The following KATNAL1 variants were observed in gnomAD, a reference collection of about 807,000 sequenced individuals.
The protein encoded by KATNAL1 is katanin p60 ATPase-containing subunit A-like 1.
Under a neutral mutation model 55.2 loss-of-function variants are expected in KATNAL1, and 32 were observed. The ratio of observed to expected loss-of-function variants is 0.58; its 90% CI spans 0.44 to 0.78. The LOEUF (loss-of-function observed/expected upper bound fraction) is 0.78, where lower values mean the gene tolerates loss of function less well. Among genes scored for constraint, KATNAL1 ranks in the 30% least tolerant of loss-of-function variants. The pLI, the probability that KATNAL1 is intolerant of heterozygous loss-of-function variation, is 0.00. For synonymous variants in KATNAL1, 193 were observed against 193.6 expected (o/e 1.00, Z 0.02); for missense variants, 466 against 600.9 (o/e 0.78, Z 2.35).
intron 6 of KATNAL1, among the ~76,000 whole-genome samples, chr13:30,239,071 C>T (rs188077012): frequency 9.0e-4 from 137 of 152,174 alleles, no homozygotes; most frequent in African/African-American, 3.2e-3. Context: ...ATTTTAGAAG[C>T]TTGAAAAATT....
chr13:30,210,270 G>T, intron 10 of KATNAL1, 46 bp downstream of exon 10: 1 of 1,502,652 alleles, frequency 6.7e-7, no homozygotes, highest in Non-Finnish European at 8.9e-7. Flanking sequence ...GTCCTCCTGC[G>T]AAGTCTATAA....
chr13:30,274,903 G>GCACA (rs1232536025), intron 3 of KATNAL1, among the ~76,000 whole-genome samples: 49 of 93,746 alleles, frequency 5.2e-4, no homozygotes, highest in Non-Finnish European at 9.8e-4. Context: ...GCGCGCGCGC[G>GCACA]CGCGCACACA....
chr13:30,302,730 A>G (rs1487343712), intron 1 of KATNAL1, among the ~76,000 whole-genome samples: 1 of 152,260 alleles, frequency 6.6e-6, no homozygotes, highest in African/African-American at 2.4e-5. Context: ...TACCAAAACT[A>G]GTTTGAGCAC....
chr13:30,303,529 C>T (rs987820993), intron 1 of KATNAL1, among the ~76,000 whole-genome samples: 4 of 152,210 alleles, frequency 2.6e-5, no homozygotes, highest in Admixed American at 6.5e-5. Context: ...TGCACCATTG[C>T]ATTCCAGCCT....
At chr13:30,227,842 A>G (rs1684710298) in intron 8 of KATNAL1, among the ~76,000 whole-genome samples, 1 of 151,768 alleles carries the variant, frequency 6.6e-6, no homozygotes, top group Non-Finnish European at 1.5e-5. Context: ...AAATGAATGT[A>G]TTTTCCTCCT....
At chr13:30,227,376 A>C (rs1875605134) in intron 9 of KATNAL1, 36 bp downstream of exon 9, 8 of 1,584,254 alleles carry the variant, frequency 5.0e-6, no homozygotes, top group Non-Finnish European at 6.9e-6. Context: ...GGTAACAAAA[A>C]GTAACAGAAA....
At chr13:30,223,674 TAAC>T (rs1287689542) in intron 9 of KATNAL1, among the ~76,000 whole-genome samples, 2 of 152,034 alleles carry the variant, frequency 1.3e-5, no homozygotes, top group South Asian at 4.2e-4. Flanking sequence ...TTTATTTACT[TAAC>T]AACAGAACAT....
At chr13:30,285,316 G>A (rs1295663672) in intron 1 of KATNAL1, among the ~76,000 whole-genome samples, 2 of 103,382 alleles carry the variant, frequency 1.9e-5, no homozygotes, top group Non-Finnish European at 3.7e-5. Context: ...ACCTTAAATT[G>A]TAATAATCAC....
In KATNAL1 at chr13:30,255,618, G is replaced by GA; in HGVS notation, c.324-4dup. On this transcript the variant is annotated splice_polypyrimidine_tract_variant and splice_region_variant and intron_variant, in intron 3 of 10. Coordinates refer to ENST00000380615, the MANE Select transcript of KATNAL1 (RefSeq NM_032116.5). The stretch of plus-strand genomic sequence containing the variant: ...GACGCCTGATCTGAGGTGGAGCTCT[G>GA]ACAAAAAAAAAAAAAAAAAAATTAA... 12 of 1,058,418 alleles carry GA rather than the reference G, an allele frequency of 1.1e-5. No individual in the cohort carries two copies. In the South Asian group the frequency reaches 1.4e-4, roughly 12 times the overall value. 65.6% of individuals were successfully genotyped at this position (1,058,418 alleles called of 1,614,324 possible).
At chr13:30,252,729 A>G (rs1418385310) in intron 4 of KATNAL1, among the ~76,000 whole-genome samples, 1 of 151,878 alleles carries the variant, frequency 6.6e-6, no homozygotes, top group Non-Finnish European at 1.5e-5. Context: ...ACTTCCAAAC[A>G]ACACTAATTT....
In KATNAL1 at chr13:30,210,599, T is replaced by C. The variant is rs1471626912; in HGVS notation, c.1148-157A>G. 3.6e-5 allele frequency: 12 copies of C among 331,280 alleles called. 1 individual carries two copies. 20.5% of individuals were successfully genotyped at this position (331,280 alleles called of 1,614,324 possible). A position where few individuals can be genotyped will look rare whatever the true frequency, so the allele number is the denominator to read the frequency against. On this transcript the variant is annotated intron_variant, in intron 9 of 10. Transcript: ENST00000380615. ...TATTATTACCAATTCACTGCATGAC[T>C]CATGGAATCATTTAAATTCCTATGT... is the stretch of plus-strand genomic sequence containing the variant.
At position 30,204,732 on chromosome 13, in the gene KATNAL1, G is replaced by A. The variant is rs1172841033; in HGVS notation, c.*3808C>T. The stretch of plus-strand genomic sequence containing the variant: ...GGTTTGCTTACTTTTTGAGTAATTC[G>A]TGCTTTCAGCCTATGTTTTGAGAGT... On this transcript the variant is annotated 3_prime_UTR_variant, in exon 11 of 11. Coordinates refer to ENST00000380615, the MANE Select transcript of KATNAL1 (RefSeq NM_032116.5). 2.0e-5 allele frequency: 3 copies of A among 152,110 alleles called. No homozygotes were observed. Among genetic ancestry groups the A allele is most frequent in the African/African-American group, 2.4e-5 (1 of 41,408 alleles). The allele number at this position is 152,110 out of a possible 1,614,324, so 9.4% of individuals were successfully genotyped here. A position where few individuals can be genotyped will look rare whatever the true frequency, so the allele number is the denominator to read the frequency against.
intron 1 of KATNAL1, among the ~76,000 whole-genome samples, chr13:30,289,107 G>A (rs748590185): frequency 2.0e-5 from 3 of 152,026 alleles, no homozygotes; most frequent in Non-Finnish European, 2.9e-5. Context: ...TCAACTTTTT[G>A]AAATATTCTT....
Position 30,274,899 on chromosome 13 carries a change from GCGCGCGCGCACACACA to G in KATNAL1, c.323+5148_323+5163del, listed in dbSNP as rs1209148178. Among the ~76,000 whole-genome samples the G allele has an allele frequency of 9.1e-4, 102 of 112,370 alleles. 1 individual carries two copies. The highest frequency in any genetic ancestry group is 7.9e-3 in the Middle Eastern group (2 of 252). 73.7% of individuals were successfully genotyped at this position (112,370 alleles called of 152,430 possible). ...GGTGTGTGCACACACATACGCGCGC[GCGCGCGCGCACACACA>G]CACACACACACACACACACACACAC... is the stretch of plus-strand genomic sequence containing the variant. On this transcript the variant is annotated intron_variant, in intron 3 of 10. Coordinates refer to ENST00000380615, the MANE Select transcript of KATNAL1 (RefSeq NM_032116.5).
In KATNAL1 at chr13:30,212,942, T is replaced by C. The variant is rs570364020; in HGVS notation, c.1148-2500A>G. On this transcript the variant is annotated intron_variant, in intron 9 of 10. Transcript: ENST00000380615. ...TGGGTGGGCTCTAATCCAACATGAC[T>C]GGTGTCCTTATAAGAAGAAGCGGTT... 1.9e-3 allele frequency among the ~76,000 whole-genome samples: 289 copies of C among 152,266 alleles called. 1 individual carries two copies. The highest frequency in any genetic ancestry group is 6.5e-3 in the African/African-American group (270 of 41,520).
intron 3 of KATNAL1, 56 bp from the exon 4 acceptor site, chr13:30,255,671 A>G: frequency 7.6e-7 from 1 of 1,319,534 alleles, no homozygotes; most frequent in African/African-American, 1.5e-5. Context: ...ATCAAAGGCA[A>G]AAGTATGTCA....
rs1215738755 is a variant in KATNAL1 at position 30,207,662 on chromosome 13, G to A, written c.*878C>T. On this transcript the variant is annotated 3_prime_UTR_variant, in exon 11 of 11. Transcript: ENST00000380615. ...CGCACCTGTAATCCCAGCTACTTGG[G>A]AGGCTGAGACAGGAGAATTGCTTGA... The A allele has an allele frequency of 6.6e-6, 1 of 152,282 alleles. No individual in the cohort carries two copies. Among genetic ancestry groups the A allele is most frequent in the Non-Finnish European group, 1.5e-5 (1 of 68,098 alleles). The allele number at this position is 152,282 out of a possible 1,614,324, so 9.4% of individuals were successfully genotyped here.
At chr13:30,237,469 T>C (rs1347076295) in intron 6 of KATNAL1, among the ~76,000 whole-genome samples, 1 of 152,164 alleles carries the variant, frequency 6.6e-6, no homozygotes, top group African/African-American at 2.4e-5. Context: ...GCACTGAAAA[T>C]ACAGTAGTCT....
intron 4 of KATNAL1, among the ~76,000 whole-genome samples, chr13:30,241,794 T>C (rs1877305512): frequency 6.6e-6 from 1 of 152,122 alleles, no homozygotes; most frequent in Non-Finnish European, 1.5e-5. Flanking sequence ...TCTGAGATAG[T>C]CAAAAGGCTC....
Sources: allele counts gnomAD v4.1 joint callset (sites outside exome capture counted in the v4.1 genomes callset), GRCh38; gene constraint gnomAD v4.1.1; transcripts MANE v1.5; gene names NCBI Gene and HGNC (gene_info 2026-07-23, HGNC 2026-07-21).